CHN2: variants seen among roughly 807,000 people sequenced by gnomAD.
The protein encoded by CHN2 is beta-chimaerin.
CHN2 carries 35 observed loss-of-function variants against 56.3 expected under a neutral mutation model. That is an observed-to-expected ratio of 0.62 (90% CI 0.47 to 0.82). The LOEUF (loss-of-function observed/expected upper bound fraction) is 0.82. Among genes scored for constraint, CHN2 ranks in the 40% least tolerant of loss-of-function variants. The pLI, the probability that CHN2 is intolerant of heterozygous loss-of-function variation, is 0.00. For missense variants in CHN2, 491 were observed against 580.5 expected (o/e 0.85, Z 1.58); for synonymous variants, 210 against 212.8 (o/e 0.99, Z 0.12).
intron 3 of CHN2, among the ~76,000 whole-genome samples, chr7:29,377,665 AC>A (rs1451351736): frequency 2.7e-5 from 4 of 148,242 alleles, no homozygotes; most frequent in Non-Finnish European, 4.5e-5. Context: ...GGCAAGGCCC[AC>A]CTCCTTGCCT....
intron 1 of CHN2, among the ~76,000 whole-genome samples, chr7:29,243,972 A>G (rs1401901359): frequency 6.6e-6 from 1 of 152,232 alleles, no homozygotes; most frequent in Non-Finnish European, 1.5e-5. Context: ...GTAACAGCAC[A>G]CTGGATTGTT....
At chr7:29,178,520 A>C (rs1259482500) in intron 2 of CHN2, among the ~76,000 whole-genome samples, 2 of 152,188 alleles carry the variant, frequency 1.3e-5, no homozygotes, top group African/African-American at 4.8e-5. Flanking sequence ...GTCTCTGCTG[A>C]AATGTCACAT....
At position 29,184,334 on chromosome 7, in the gene CHN2, G is replaced by A. The variant is rs1224046713; in HGVS notation, c.274+37374G>A. On this transcript the variant is annotated intron_variant, in intron 2 of 6. Transcript: ENST00000439384. ...TATATCTCATATCTCATACATCTATGTATCTCATATATATATTTATATGAG... is the reference window on the plus strand; with the variant it reads ...TATATCTCATATCTCATACATCTATATATCTCATATATATATTTATATGAG... 6 of 151,636 alleles carry A rather than the reference G, an allele frequency of 4.0e-5. No individual in the cohort carries two copies. The East Asian group carries it at 1.2e-3, about 29-fold the overall frequency. The allele number at this position is 151,636 out of a possible 1,614,324, so 9.4% of individuals were successfully genotyped here. A position where few individuals can be genotyped will look rare whatever the true frequency, so the allele number is the denominator to read the frequency against.
intron 2 of CHN2, among the ~76,000 whole-genome samples, chr7:29,358,556 G>C (rs1798495149): frequency 6.6e-6 from 1 of 152,050 alleles, no homozygotes; most frequent in East Asian, 1.9e-4. Context: ...CCCGCCTCCC[G>C]AGTTCACGCC....
chr7:29,424,252 A>T (rs914976553), intron 6 of CHN2, among the ~76,000 whole-genome samples: 1 of 152,220 alleles, frequency 6.6e-6, no homozygotes. Flanking sequence ...TTGCTTTAAC[A>T]TATCTTTATT....
At chr7:29,303,326 C>T (rs539595725) in intron 1 of CHN2, among the ~76,000 whole-genome samples, 2 of 152,302 alleles carry the variant, frequency 1.3e-5, no homozygotes, top group East Asian at 1.9e-4. Flanking sequence ...TTGGGGCCTG[C>T]GGGAATCATT....
At chr7:29,456,954 C>G (rs1784813893) in intron 6 of CHN2, among the ~76,000 whole-genome samples, 1 of 151,956 alleles carries the variant, frequency 6.6e-6, no homozygotes, top group African/African-American at 2.4e-5. Context: ...GAATCCTTCT[C>G]AACTCATTCA....
chr7:29,286,252 G>C (rs185687281), intron 1 of CHN2, among the ~76,000 whole-genome samples: 102 of 143,878 alleles, frequency 7.1e-4, no homozygotes, highest in Non-Finnish European at 1.0e-3. Flanking sequence ...CTTGGGAAAA[G>C]GTAAAGACTA....
intron 2 of CHN2, among the ~76,000 whole-genome samples, chr7:29,360,303 C>T (rs994797152): frequency 3.3e-5 from 5 of 152,126 alleles, no homozygotes; most frequent in African/African-American, 7.2e-5. Flanking sequence ...AGGCAGATCA[C>T]CTGCGGTTGG....
chr7:29,355,360 A>T (rs991495211), intron 2 of CHN2, among the ~76,000 whole-genome samples: 14 of 152,196 alleles, frequency 9.2e-5, no homozygotes, highest in Non-Finnish European at 2.1e-4. Context: ...TTCTAAGGAT[A>T]AAATATCATA....
At chr7:29,189,456 A>G (rs902354892) in intron 2 of CHN2, among the ~76,000 whole-genome samples, 3 of 152,160 alleles carry the variant, frequency 2.0e-5, no homozygotes, top group African/African-American at 7.2e-5. Context: ...GACACGAAAA[A>G]CAAACTCACT....
intron 1 of CHN2, among the ~76,000 whole-genome samples, chr7:29,316,860 G>A (rs542615073): frequency 1.3e-5 from 2 of 152,182 alleles, no homozygotes; most frequent in South Asian, 2.1e-4. Context: ...GGGGAATCAT[G>A]TGGTCCCTGG....
At chr7:29,209,246 G>A (rs75922544) in intron 1 of CHN2, among the ~76,000 whole-genome samples, 1 of 152,174 alleles carries the variant, frequency 6.6e-6, no homozygotes, top group East Asian at 1.9e-4. Context: ...AAGAACATCC[G>A]CCACAATTAT....
chr7:29,183,865 G>A (rs1798372856), intron 2 of CHN2, among the ~76,000 whole-genome samples: 1 of 151,992 alleles, frequency 6.6e-6, no homozygotes, highest in Non-Finnish European at 1.5e-5. Flanking sequence ...AACCAAAAAT[G>A]TTAGAAAAAA....
At chr7:29,259,118 A>G (rs1584892513) in intron 1 of CHN2, among the ~76,000 whole-genome samples, 1 of 152,216 alleles carries the variant, frequency 6.6e-6, no homozygotes, top group South Asian at 2.1e-4. Context: ...ACTTGAACCC[A>G]GGCGTTTGAG....
At chr7:29,410,976 AC>A (rs1803148734) in intron 6 of CHN2, among the ~76,000 whole-genome samples, 1 of 152,146 alleles carries the variant, frequency 6.6e-6, no homozygotes, top group South Asian at 2.1e-4. Context: ...CCCCATTTCT[AC>A]TTTTTATTAA....
chr7:29,331,595 AC>A (rs1300357545), intron 1 of CHN2, among the ~76,000 whole-genome samples: 6 of 152,088 alleles, frequency 3.9e-5, no homozygotes, highest in Non-Finnish European at 7.4e-5. Context: ...AGAGGTCAAC[AC>A]CCTGGCATGG....
chr7:29,455,196 G>A lies in CHN2; in HGVS notation c.577-25083G>A, dbSNP rs183154663. On this transcript the variant is annotated intron_variant, in intron 6 of 12. Coordinates refer to ENST00000222792, the MANE Select transcript of CHN2 (RefSeq NM_004067.4). ...CCAATTCCAGCACACCACTAAAAAT[G>A]TACTATGGGTTGACAATATAATAAG... Among the ~76,000 whole-genome samples the A allele has an allele frequency of 1.6e-3, 249 of 152,284 alleles. 1 individual carries two copies. The highest frequency in any genetic ancestry group is 4.4e-3 in the Admixed American group (67 of 15,294).
At chr7:29,248,897 C>T (rs1409268845) in intron 1 of CHN2, among the ~76,000 whole-genome samples, 1 of 152,132 alleles carries the variant, frequency 6.6e-6, no homozygotes, top group East Asian at 1.9e-4. Flanking sequence ...ATTCCTGTAC[C>T]CTGTGTGCCC....
Sources: gnomAD v4.1 joint callset for allele counts (sites outside exome capture counted in the v4.1 genomes callset) on GRCh38, gnomAD v4.1.1 for gene constraint, MANE v1.5 for transcripts, NCBI Gene and HGNC (gene_info 2026-07-23, HGNC 2026-07-21) for gene names.